Variants in ADCY2 observed in about 807,000 individuals in gnomAD.
ADCY2 encodes adenylate cyclase type 2.
ADCY2 carries 31 observed loss-of-function variants against 125.2 expected under a neutral mutation model. The ratio of observed to expected loss-of-function variants is 0.25; its 90% CI spans 0.19 to 0.33. The LOEUF (loss-of-function observed/expected upper bound fraction) is 0.33. Among genes scored for constraint, ADCY2 ranks in the 10% least tolerant of loss-of-function variants. ADCY2 has a pLI of 1.00. For missense variants in ADCY2, 904 were observed against 1,418.2 expected (o/e 0.64, Z 5.82); for synonymous variants, 512 against 548.4 (o/e 0.93, Z 0.93).
chr5:7,505,959 A>G (rs1456007254), intron 2 of ADCY2, among the ~76,000 whole-genome samples: 2 of 151,084 alleles, frequency 1.3e-5, no homozygotes, highest in Middle Eastern at 3.2e-3. Context: ...TTTATATAAC[A>G]TTTTATTTTT....
chr5:7,695,878 T>C lies in ADCY2; in HGVS notation c.981+15T>C. On this transcript the variant is annotated intron_variant, in intron 6 of 24. Transcript: ENST00000338316. ...AAATTGCAAAGGTGAGTATTATGGATTCTTTTCTTCTCTGAAGATTTCTAA... is the reference window on the plus strand; with the variant it reads ...AAATTGCAAAGGTGAGTATTATGGACTCTTTTCTTCTCTGAAGATTTCTAA... The C allele has an allele frequency of 6.5e-7, 1 of 1,547,680 alleles. No homozygotes were observed. The highest frequency in any genetic ancestry group is 8.9e-7 in the Non-Finnish European group (1 of 1,127,112).
intron 5 of ADCY2, among the ~76,000 whole-genome samples, chr5:7,694,752 C>G (rs1419591839): frequency 1.3e-5 from 2 of 152,206 alleles, no homozygotes; most frequent in Non-Finnish European, 2.9e-5. Context: ...GTACAAATAT[C>G]TATTCAAGTT....
At chr5:7,661,942 A>G (rs1393536157) in intron 4 of ADCY2, among the ~76,000 whole-genome samples, 1 of 152,222 alleles carries the variant, frequency 6.6e-6, no homozygotes, top group East Asian at 1.9e-4. Flanking sequence ...TGATATCTCC[A>G]TAGCATGTTC....
At chr5:7,675,582 TC>T (rs2033643663) in intron 4 of ADCY2, among the ~76,000 whole-genome samples, 1 of 152,246 alleles carries the variant, frequency 6.6e-6, no homozygotes, top group African/African-American at 2.4e-5. Flanking sequence ...ATGAAGGTTT[TC>T]TGCAAACCAG....
chr5:7,759,418 G>T (rs540365877), intron 16 of ADCY2, among the ~76,000 whole-genome samples: 19 of 152,340 alleles, frequency 1.2e-4, no homozygotes, highest in African/African-American at 4.6e-4. Context: ...GGGCTCACCA[G>T]GCAAGTCCAT....
chr5:7,497,832 C>T (rs141985803), intron 2 of ADCY2, among the ~76,000 whole-genome samples: 13 of 152,166 alleles, frequency 8.5e-5, no homozygotes, highest in African/African-American at 2.4e-4. Flanking sequence ...AGTTACCAGT[C>T]GGTAGACAAC....
chr5:7,814,068 T>C (rs1202211088), intron 22 of ADCY2, among the ~76,000 whole-genome samples: 1 of 152,144 alleles, frequency 6.6e-6, no homozygotes, highest in Non-Finnish European at 1.5e-5. Context: ...GACTAACTGT[T>C]GTTAAGAAAT....
At chr5:7,744,441 A>AT (rs1317586645) in intron 15 of ADCY2, among the ~76,000 whole-genome samples, 1 of 152,228 alleles carries the variant, frequency 6.6e-6, no homozygotes, top group Admixed American at 6.5e-5. Flanking sequence ...CAAGCTATAA[A>AT]ATGTTGGAGT....
chr5:7,432,442 G>A (rs1321422363), intron 2 of ADCY2, among the ~76,000 whole-genome samples: 1 of 152,194 alleles, frequency 6.6e-6, no homozygotes, highest in Non-Finnish European at 1.5e-5. Flanking sequence ...TTACCCACTA[G>A]ATGCTGCTGC....
intron 2 of ADCY2, among the ~76,000 whole-genome samples, chr5:7,441,248 T>C (rs775948866): frequency 2.7e-4 from 41 of 152,120 alleles, no homozygotes; most frequent in Admixed American, 4.6e-4. Flanking sequence ...GCAAGACTGA[T>C]ACATGGGAGA....
Position 7,772,976 on chromosome 5 carries a change from G to A in ADCY2, c.2259G>A (p.Val753=). The change falls in exon 18 of 25, where the codon GTG becomes GTA. Residue 753 remains valine (V), a synonymous_variant. Transcript: ENST00000338316. ...TTCTGGGACTGATATCCTGTTCCGT[G>A]TTCCTGCGGGTAAACTATGAGCTGA... The part of the protein sequence containing the change: ...SCILGLISCS[V]FLRVNYELKM... The A allele has an allele frequency of 6.2e-7, 1 of 1,614,180 alleles. No homozygotes were observed. The highest frequency in any genetic ancestry group is 2.2e-5 in the East Asian group (1 of 44,886).
At chr5:7,407,062 CA>C (rs1339663472) in intron 1 of ADCY2, among the ~76,000 whole-genome samples, 4 of 152,214 alleles carry the variant, frequency 2.6e-5, no homozygotes, top group Non-Finnish European at 4.4e-5. Context: ...TGGTTTTCAA[CA>C]ATGGGTTATC....
chr5:7,505,509 C>T (rs1189192350), intron 2 of ADCY2, among the ~76,000 whole-genome samples: 1 of 152,186 alleles, frequency 6.6e-6, no homozygotes. Flanking sequence ...AGGCGACCAT[C>T]CCCCTGATGG....
intron 14 of ADCY2, among the ~76,000 whole-genome samples, chr5:7,734,494 A>G (rs1041334806): frequency 1.3e-5 from 2 of 152,218 alleles, no homozygotes. Context: ...AATGAACACT[A>G]AAAGTAATTT....
intron 2 of ADCY2, among the ~76,000 whole-genome samples, chr5:7,475,668 C>T (rs975171068): frequency 6.6e-6 from 1 of 152,206 alleles, no homozygotes; most frequent in African/African-American, 2.4e-5. Context: ...AGGCATGAGC[C>T]ACTGCACCCG....
intron 20 of ADCY2, among the ~76,000 whole-genome samples, chr5:7,791,984 T>G (rs1272132639): frequency 1.3e-5 from 2 of 151,564 alleles, no homozygotes; most frequent in African/African-American, 4.9e-5. Context: ...CATTTCAGGC[T>G]CCAAGGGGCT....
chr5:7,813,821 T>A (rs961850046), intron 22 of ADCY2, among the ~76,000 whole-genome samples: 2 of 152,236 alleles, frequency 1.3e-5, no homozygotes, highest in African/African-American at 4.8e-5. Context: ...GGAGCGGAGC[T>A]TGTTTGCTGC....
intron 3 of ADCY2, among the ~76,000 whole-genome samples, chr5:7,534,464 CT>C (rs1734751664): frequency 6.6e-6 from 1 of 152,090 alleles, no homozygotes; most frequent in South Asian, 2.1e-4. Flanking sequence ...ATGTCTGAAC[CT>C]CAAACTCTAG....
At chr5:7,570,663 G>T (rs1179205195) in intron 3 of ADCY2, among the ~76,000 whole-genome samples, 1 of 149,996 alleles carries the variant, frequency 6.7e-6, no homozygotes, top group African/African-American at 2.4e-5. Context: ...GTAAAAAACA[G>T]CCACAAAGAG....
Sources: gnomAD v4.1 joint callset for allele counts (sites outside exome capture counted in the v4.1 genomes callset) on GRCh38, gnomAD v4.1.1 for gene constraint, MANE v1.5 for transcripts, NCBI Gene and HGNC (gene_info 2026-07-23, HGNC 2026-07-21) for gene names.